Variants in MASTL observed in about 807,000 individuals in gnomAD.
MASTL encodes serine/threonine-protein kinase greatwall.
A neutral mutation model predicts 82.5 loss-of-function variants in MASTL; 54 were observed. The ratio of observed to expected loss-of-function variants is 0.65; its 90% CI spans 0.53 to 0.82. The LOEUF (loss-of-function observed/expected upper bound fraction) is 0.82. Ranked by LOEUF, MASTL falls within the 40% of genes least tolerant of loss-of-function variation. The pLI, the probability that MASTL is intolerant of heterozygous loss-of-function variation, is 0.00. For synonymous variants in MASTL, 323 were observed against 368.9 expected, an observed-to-expected ratio of 0.88 and a Z score of 1.43; for missense variants, 950 against 1,047.8, an observed-to-expected ratio of 0.91 and a Z score of 1.29.
chr10:27,160,073 G>A (rs1306377953), intron 3 of MASTL, among the ~76,000 whole-genome samples: 1 of 150,576 alleles, frequency 6.6e-6, no homozygotes, highest in Non-Finnish European at 1.5e-5. Flanking sequence ...TTGGCTCACT[G>A]CAGCCTCGAC....
At chr10:27,156,912 G>A (rs1273783425) in intron 1 of MASTL, among the ~76,000 whole-genome samples, 3 of 147,608 alleles carry the variant, frequency 2.0e-5, no homozygotes, top group Non-Finnish European at 4.5e-5. Context: ...GGGTTCAAGC[G>A]AGTCTCCTGC....
chr10:27,182,287 T>A (rs1350112899), intron 11 of MASTL, among the ~76,000 whole-genome samples: 1 of 151,124 alleles, frequency 6.6e-6, no homozygotes, highest in Non-Finnish European at 1.5e-5. Context: ...ATACTACAGA[T>A]AATCTGACTG....
At chr10:27,174,774 A>G (rs1450062300) in intron 9 of MASTL, among the ~76,000 whole-genome samples, 1 of 152,082 alleles carries the variant, frequency 6.6e-6, no homozygotes, top group African/African-American at 2.4e-5. Flanking sequence ...ATCTTACTCC[A>G]GTATGACCTC....
chr10:27,176,715 C>T (rs1317617518), intron 9 of MASTL, among the ~76,000 whole-genome samples: 1 of 152,170 alleles, frequency 6.6e-6, no homozygotes, highest in African/African-American at 2.4e-5. Flanking sequence ...GAATTATTCA[C>T]TTCTATGTTA....
At position 27,186,390 on chromosome 10, in the gene MASTL, C is replaced by T. The variant is rs1415023193; in HGVS notation, c.2494C>T (p.His832Tyr). ...KRAGMKELKR[H>Y]PLFSDVDWEN... ...ATATTTTTCCTAAGAGCTAAAACGT[C>T]ATCCTCTCTTCAGTGATGTGGACTG... Residue 832 changes from histidine to tyrosine, a missense_variant, in exon 12 of 12, where the codon CAT becomes TAT. Coordinates refer to ENST00000375940, the MANE Select transcript of MASTL (RefSeq NM_001172303.3). 6.2e-7 allele frequency: 1 copy of T among 1,613,996 alleles called. No individual in the cohort carries two copies. Among genetic ancestry groups the T allele is most frequent in the Non-Finnish European group, 8.5e-7 (1 of 1,179,998 alleles).
intron 9 of MASTL, chr10:27,177,917 C>A: frequency 3.3e-6 from 1 of 302,844 alleles, no homozygotes; most frequent in Non-Finnish European, 4.8e-6. Flanking sequence ...TTCCTTTTAG[C>A]TCACTTGTGA....
Position 27,181,490 on chromosome 10 carries a change from G to T in MASTL, c.2391G>T (p.Trp797Cys). ...TATGTATAATTTTAGATATCCCTTG[G>T]CCAGAAGGTGAAGAAAAGTTATCTG... ...FQNILKRDIP[W>C]PEGEEKLSDN... Residue 797 changes from tryptophan (W) to cysteine (C), a missense_variant, in exon 11 of 12, where the codon TGG becomes TGT. Physicochemically the swap from Trp to Cys is radical, Grantham distance 215 (BLOSUM62 -2). Transcript: ENST00000375940. 1 of 1,608,240 alleles carries T rather than the reference G, an allele frequency of 6.2e-7. No individual in the cohort carries two copies. The highest frequency in any genetic ancestry group is 8.5e-7 in the Non-Finnish European group (1 of 1,174,952).
In MASTL at chr10:27,187,889, C is replaced by T. The variant is rs1158480271; in HGVS notation, c.*1353C>T. Among the ~76,000 whole-genome samples the T allele has an allele frequency of 3.3e-5, 5 of 152,044 alleles. No individual in the cohort carries two copies. The highest frequency in any genetic ancestry group is 1.5e-5 in the Non-Finnish European group (1 of 68,020). ...TTAAAACATGCAACATTATCAGAAA[C>T]AGATTGGTCCTTAAAAAACAAAACA... On this transcript the variant is annotated 3_prime_UTR_variant, in exon 12 of 12. Coordinates refer to ENST00000375940, the MANE Select transcript of MASTL (RefSeq NM_001172303.3).
intron 1 of MASTL, 122 bp downstream of exon 1, chr10:27,155,734 G>A (rs922375498): frequency 1.9e-6 from 2 of 1,072,648 alleles, no homozygotes; most frequent in African/African-American, 1.6e-5. Flanking sequence ...GCTTGCTGAA[G>A]CCTCCAGAGC....
intron 9 of MASTL, among the ~76,000 whole-genome samples, chr10:27,176,029 G>A (rs1201872003): frequency 1.3e-5 from 2 of 151,718 alleles, no homozygotes; most frequent in African/African-American, 2.4e-5. Flanking sequence ...CCCGGGAGGC[G>A]GAGGTTGCAG....
chr10:27,178,148 T>C (rs1030016379), intron 9 of MASTL, among the ~76,000 whole-genome samples: 3 of 152,202 alleles, frequency 2.0e-5, no homozygotes, highest in South Asian at 2.1e-4. Context: ...TCCCAGCACT[T>C]TGGGAGGCCG....
intron 1 of MASTL, 37 bp downstream of exon 1, chr10:27,155,649 C>CCT: frequency 6.2e-7 from 1 of 1,610,578 alleles, no homozygotes; most frequent in South Asian, 1.1e-5. Flanking sequence ...GGGGTTAGGC[C>CCT]CTTCGGCCCT....
intron 11 of MASTL, among the ~76,000 whole-genome samples, chr10:27,184,554 ATTT>A (rs752147433): frequency 5.9e-5 from 5 of 84,846 alleles, no homozygotes; most frequent in Admixed American, 1.8e-4. Flanking sequence ...TATAAGAAGG[ATTT>A]TTTTTTTTTT....
At chr10:27,164,203 G>C (rs2136008772) in intron 4 of MASTL, among the ~76,000 whole-genome samples, 1 of 152,330 alleles carries the variant, frequency 6.6e-6, no homozygotes, top group African/African-American at 2.4e-5. Context: ...GGAGTGCAGT[G>C]ATGTGATCAT....
Position 27,170,052 on chromosome 10 carries a change from C to G in MASTL, c.1093C>G (p.Leu365Val), listed in dbSNP as rs1246756738. 5 of 1,614,192 alleles carry G rather than the reference C, an allele frequency of 3.1e-6. No individual in the cohort carries two copies. Residue 365 changes from leucine to valine, a missense_variant, in exon 8 of 12, where the codon CTG becomes GTG. By Grantham distance (32) the Leu-to-Val change is conservative. Coordinates refer to ENST00000375940, the MANE Select transcript of MASTL (RefSeq NM_001172303.3). ...IETKGFNKKD[L>V]ELALSPIHNS... Reference sequence around the variant, plus strand: ...GACGAAAGGTTTCAATAAAAAGGATCTGGAGTTAGCTCTTTCTCCCATTCA... The same window carrying G: ...GACGAAAGGTTTCAATAAAAAGGATGTGGAGTTAGCTCTTTCTCCCATTCA...
chr10:27,160,081 G>C (rs994348003), intron 3 of MASTL, among the ~76,000 whole-genome samples: 1 of 149,712 alleles, frequency 6.7e-6, no homozygotes, highest in African/African-American at 2.5e-5. Context: ...CTGCAGCCTC[G>C]ACCTCTGGGG....
rs138959125 is a variant in MASTL, at chr10:27,170,405, A to G, written c.1446A>G (p.Thr482=). The change falls in exon 8 of 12, where the codon ACA becomes ACG. Residue 482 remains threonine (T), a synonymous_variant. Transcript: ENST00000375940. ...CAAATTGTTATACAAATCAAAATAC[A>G]GGCTTAACAGTTGAAGTGCAGGACC... ...EMTNCYTNQN[T]GLTVEVQDLK... is the part of the protein sequence containing the mutation. The G allele has an allele frequency of 3.9e-5, 63 of 1,614,106 alleles. No homozygotes were observed. The African/African-American group carries it at 8.0e-4, about 20-fold the overall frequency.
In MASTL at chr10:27,159,875, C is replaced by T. The variant is rs1367110401; in HGVS notation, c.464+117C>T. ...TTATTTCCAGGTTATCTAAAGTTTA[C>T]TAGTAACTTGTATTCATTTAGAAAT... On this transcript the variant is annotated intron_variant, in intron 3 of 11. Transcript: ENST00000375940. The surrounding 1 kb of genome is among the most constrained non-coding windows in gnomAD (Gnocchi z 4.0). 23 of 858,324 alleles carry T rather than the reference C, an allele frequency of 2.7e-5. No homozygotes were observed. Among genetic ancestry groups the T allele is most frequent in the Non-Finnish European group, 3.7e-5 (19 of 516,606 alleles). The allele number at this position is 858,324 out of a possible 1,614,324, so 53.2% of individuals were successfully genotyped here. A position where few individuals can be genotyped will look rare whatever the true frequency, so the allele number is the denominator to read the frequency against.
intron 9 of MASTL, among the ~76,000 whole-genome samples, chr10:27,175,598 A>G (rs1479541451): frequency 6.6e-6 from 1 of 152,026 alleles, no homozygotes; most frequent in Non-Finnish European, 1.5e-5. Flanking sequence ...TCTTCTAAAT[A>G]TAGTTCTTGG....
Sources: gnomAD v4.1 joint callset for allele counts (sites outside exome capture counted in the v4.1 genomes callset) on GRCh38, gnomAD v4.1.1 for gene constraint, Gnocchi (gnomAD v3.1) non-coding constraint, MANE v1.5 for transcripts, NCBI Gene and HGNC (gene_info 2026-07-23, HGNC 2026-07-21) for gene names.